The following ABCC4 variants were observed in gnomAD, a reference collection of about 807,000 sequenced individuals.
ABCC4 encodes ATP binding cassette subfamily C member 4 (PEL blood group), also known as ATP-binding cassette sub-family C member 4.
In ABCC4, 102 loss-of-function variants were observed where a neutral mutation model predicts 168.5. The ratio of observed to expected loss-of-function variants is 0.61; its 90% CI spans 0.52 to 0.71. The LOEUF (loss-of-function observed/expected upper bound fraction) is 0.71, where lower values mean the gene tolerates loss of function less well. Among genes scored for constraint, ABCC4 ranks in the 30% least tolerant of loss-of-function variants. The pLI is 0.00. For synonymous variants in ABCC4, 617 were observed against 590.7 expected (o/e 1.04, Z -0.65); for missense variants, 1,402 against 1,605.8 (o/e 0.87, Z 2.17).
intron 26 of ABCC4, among the ~76,000 whole-genome samples, chr13:95,056,072 A>G (rs1178274711): frequency 6.6e-6 from 1 of 152,150 alleles, no homozygotes; most frequent in African/African-American, 2.4e-5. Flanking sequence ...AAGAAACTCT[A>G]TCCACCAACC....
At chr13:95,099,642 C>A (rs1323116192) in intron 20 of ABCC4, among the ~76,000 whole-genome samples, 1 of 152,096 alleles carries the variant, frequency 6.6e-6, no homozygotes, top group African/African-American at 2.4e-5. Context: ...TGGGAAAGGG[C>A]AAATGTGAGA....
chr13:95,270,790 T>C (rs2040827417), intron 1 of ABCC4, among the ~76,000 whole-genome samples: 2 of 152,228 alleles, frequency 1.3e-5, no homozygotes, highest in Non-Finnish European at 2.9e-5. Context: ...TTCTTTCAGA[T>C]GCCTCATAGA....
At chr13:95,029,012 A>T (rs1289174270) in intron 30 of ABCC4, among the ~76,000 whole-genome samples, 1 of 151,608 alleles carries the variant, frequency 6.6e-6, no homozygotes, top group Non-Finnish European at 1.5e-5. Context: ...CTAAAAATAC[A>T]AAAAAATTAG....
intron 7 of ABCC4, among the ~76,000 whole-genome samples, chr13:95,207,313 C>T (rs1041985861): frequency 1.3e-5 from 2 of 152,192 alleles, no homozygotes; most frequent in African/African-American, 2.4e-5. Flanking sequence ...CAGGCATGAG[C>T]CACTGCGCCC....
chr13:95,174,996 C>T (rs1390591102), intron 13 of ABCC4, among the ~76,000 whole-genome samples: 1 of 152,226 alleles, frequency 6.6e-6, no homozygotes, highest in Admixed American at 6.5e-5. Context: ...GCGCTAAGTA[C>T]ATACACACCA....
intron 20 of ABCC4, among the ~76,000 whole-genome samples, chr13:95,104,826 A>C (rs1205491073): frequency 6.6e-5 from 10 of 152,282 alleles, no homozygotes; most frequent in Non-Finnish European, 1.3e-4. Context: ...CTACAGGTGG[A>C]GTGGAGGGTG....
At chr13:95,301,191 C>G in intron 1 of ABCC4, 50 bp downstream of exon 1, 5 of 1,529,492 alleles carry the variant, frequency 3.3e-6, no homozygotes, top group Non-Finnish European at 3.5e-6. Context: ...GAGAGTGCGT[C>G]CGCGGCGCCA....
In ABCC4 at chr13:95,235,947, C is replaced by T. The variant is rs138135982; in HGVS notation, c.307-1113G>A. 1.6e-3 allele frequency among the ~76,000 whole-genome samples: 240 copies of T among 152,254 alleles called. 1 individual carries two copies. Among genetic ancestry groups the T allele is most frequent in the African/African-American group, 5.6e-3 (232 of 41,554 alleles). On this transcript the variant is annotated intron_variant, in intron 3 of 30. Transcript: ENST00000645237. ...CTGGTTTTGAAGCAATATTAATAATCATCTTTTCCCCAAGGCAAAATTAAA... is the reference window on the plus strand; with the variant it reads ...CTGGTTTTGAAGCAATATTAATAATTATCTTTTCCCCAAGGCAAAATTAAA...
chr13:95,202,834 A>C (rs1056955902), intron 8 of ABCC4, among the ~76,000 whole-genome samples: 1 of 151,058 alleles, frequency 6.6e-6, no homozygotes, highest in African/African-American at 2.4e-5. Context: ...TTGTTGTTTT[A>C]TTTTTTGCAG....
chr13:95,207,943 C>G lies in ABCC4; in HGVS notation c.786-18G>C. ...TTTTACTCCTAAGGGGAACCAGACA[C>G]GGGAGATGAGCCTGAGCGATCACAG... On this transcript the variant is annotated intron_variant, in intron 6 of 30. Coordinates refer to ENST00000645237, the MANE Select transcript of ABCC4 (RefSeq NM_005845.5). 1.9e-6 allele frequency: 3 copies of G among 1,610,572 alleles called. No homozygotes were observed. Among genetic ancestry groups the G allele is most frequent in the Non-Finnish European group, 2.5e-6 (3 of 1,179,144 alleles).
chr13:95,115,835 TC>T, intron 20 of ABCC4, 86 bp downstream of exon 20: 1 of 1,059,882 alleles, frequency 9.4e-7, no homozygotes, highest in East Asian at 2.4e-5. Context: ...AGGCCGAGAG[TC>T]CCACCCCCAG....
chr13:95,043,867 A>G (rs2032465860), intron 28 of ABCC4, 80 bp from the exon 29 acceptor site: 1 of 900,074 alleles, frequency 1.1e-6, no homozygotes, highest in Non-Finnish European at 1.7e-6. Flanking sequence ...ACTTCACAAT[A>G]GAGATTTAAA....
At chr13:95,027,852 A>C (rs1220516789) in intron 30 of ABCC4, among the ~76,000 whole-genome samples, 4 of 152,222 alleles carry the variant, frequency 2.6e-5, no homozygotes, top group African/African-American at 4.8e-5. Context: ...TAATCTCAAT[A>C]AATGTAAATG....
intron 4 of ABCC4, among the ~76,000 whole-genome samples, chr13:95,214,061 T>C (rs896970904): frequency 2.0e-5 from 3 of 152,086 alleles, no homozygotes; most frequent in Non-Finnish European, 4.4e-5. Context: ...TTATAACAAG[T>C]AGATGTGAGT....
chr13:95,272,876 A>C (rs2040879209), intron 1 of ABCC4, among the ~76,000 whole-genome samples: 1 of 152,194 alleles, frequency 6.6e-6, no homozygotes, highest in South Asian at 2.1e-4. Flanking sequence ...TGACAGAGCG[A>C]GACTCCGTCT....
chr13:95,152,133 C>G (rs1163272667), intron 19 of ABCC4, among the ~76,000 whole-genome samples: 1 of 152,174 alleles, frequency 6.6e-6, no homozygotes, highest in Non-Finnish European at 1.5e-5. Flanking sequence ...TGGTCTAGTT[C>G]CATGAATCAC....
At chr13:95,102,912 C>T (rs2034864295) in intron 20 of ABCC4, among the ~76,000 whole-genome samples, 1 of 149,092 alleles carries the variant, frequency 6.7e-6, no homozygotes, top group Non-Finnish European at 1.5e-5. Flanking sequence ...TGAACTACCA[C>T]ACCTGGCCCA....
At chr13:95,195,992 T>G (rs1678383) in intron 8 of ABCC4, among the ~76,000 whole-genome samples, 15,512 of 152,164 alleles carry the variant, frequency 0.1, 950 homozygotes, top group East Asian at 0.21. Context: ...CGGACCAATC[T>G]CTCGCTTATT....
intron 19 of ABCC4, among the ~76,000 whole-genome samples, chr13:95,131,414 C>G (rs1211813): frequency 0.82 from 125,043 of 152,118 alleles, 51,817 homozygotes; most frequent in African/African-American, 0.92. Flanking sequence ...GATCACCTGA[C>G]GTCAGGAATT....
Sources: gnomAD v4.1 joint callset for allele counts (sites outside exome capture counted in the v4.1 genomes callset) on GRCh38, gnomAD v4.1.1 for gene constraint, MANE v1.5 for transcripts, NCBI Gene and HGNC (gene_info 2026-07-23, HGNC 2026-07-21) for gene names.